MTUS1: variants seen among roughly 807,000 people sequenced by gnomAD.
The protein encoded by MTUS1 is microtubule associated scaffold protein 1.
A neutral mutation model predicts 120.8 loss-of-function variants in MTUS1; 109 were observed. That is an observed-to-expected ratio of 0.90 (90% CI 0.77 to 1.06). The LOEUF is 1.06. Ranked by LOEUF, MTUS1 falls within the 50% of genes least tolerant of loss-of-function variation. The probability of loss-of-function intolerance (pLI) is 0.00; values close to 1 mark genes in which losing one functional copy is unlikely to be tolerated. For synonymous variants in MTUS1, 737 were observed against 550.5 expected, an observed-to-expected ratio of 1.34 and a Z score of -4.74; for missense variants, 2,210 against 1,486.3, an observed-to-expected ratio of 1.49 and a Z score of -8.01.
chr8:17,733,110 G>A (rs1468214242), intron 3 of MTUS1, among the ~76,000 whole-genome samples: 1 of 152,166 alleles, frequency 6.6e-6, no homozygotes, highest in Admixed American at 6.5e-5. Flanking sequence ...CAGCACTTTG[G>A]AAGGCCGAGG....
intron 1 of MTUS1, among the ~76,000 whole-genome samples, chr8:17,757,949 T>C (rs892034558): frequency 1.2e-4 from 18 of 152,204 alleles, no homozygotes; most frequent in Admixed American, 7.9e-4. Flanking sequence ...GAGGGCTGTG[T>C]GATTTATATT....
At chr8:17,797,792 T>C (rs2052366053) in intron 1 of MTUS1, among the ~76,000 whole-genome samples, 1 of 152,130 alleles carries the variant, frequency 6.6e-6, no homozygotes, top group Non-Finnish European at 1.5e-5. Flanking sequence ...ACTCTTACGC[T>C]CTAAGCTTGG....
intron 3 of MTUS1, among the ~76,000 whole-genome samples, chr8:17,740,169 T>C (rs561371003): frequency 5.3e-5 from 8 of 151,596 alleles, no homozygotes; most frequent in East Asian, 1.9e-4. Context: ...GATTGCACCA[T>C]TGCACTCCAG....
rs116062526 is a variant in MTUS1, at chr8:17,783,646, G to A, written c.-155+17415C>T. Among the ~76,000 whole-genome samples, 956 of 152,268 alleles carry A rather than the reference G, an allele frequency of 6.3e-3. 12 individuals are homozygous for A. Among genetic ancestry groups the A allele is most frequent in the African/African-American group, 0.022 (923 of 41,564 alleles). On this transcript the variant is annotated intron_variant, in intron 1 of 14. Coordinates refer to ENST00000693296, the MANE Select transcript of MTUS1 (RefSeq NM_001363059.2). ...GTGGCTACTGTGTTCAACTCAGCCTGAGGCTCCATGAAGACGGTCCTTGAG... is the reference window on the plus strand; with the variant it reads ...GTGGCTACTGTGTTCAACTCAGCCTAAGGCTCCATGAAGACGGTCCTTGAG...
chr8:17,655,760 C>G, intron 9 of MTUS1, 103 bp downstream of exon 9: 1 of 965,998 alleles, frequency 1.0e-6, no homozygotes, highest in Non-Finnish European at 1.6e-6. Context: ...GCTTTTTATA[C>G]CTATTAGACT....
At chr8:17,681,569 C>T (rs1425906013) in intron 7 of MTUS1, 1 of 154,750 alleles carries the variant, frequency 6.5e-6, no homozygotes, top group East Asian at 1.9e-4. Context: ...GAATATCTGG[C>T]ACTTAGTAAA....
intron 6 of MTUS1, among the ~76,000 whole-genome samples, chr8:17,711,861 AT>A (rs1821361105): frequency 6.6e-6 from 1 of 152,190 alleles, no homozygotes; most frequent in African/African-American, 2.4e-5. Context: ...TACTTTCAAT[AT>A]TATTGTGTCT....
intron 10 of MTUS1, 89 bp downstream of exon 10, chr8:17,654,472 G>T: frequency 1.0e-6 from 1 of 961,938 alleles, no homozygotes; most frequent in Non-Finnish European, 1.6e-6. Context: ...ATTCGCTGAA[G>T]CAGGAAGTTA....
intron 8 of MTUS1, among the ~76,000 whole-genome samples, chr8:17,659,735 A>G (rs775219820): frequency 6.6e-6 from 1 of 152,188 alleles, no homozygotes; most frequent in African/African-American, 2.4e-5. Context: ...AGCAGATACC[A>G]AATTAACCAT....
intron 8 of MTUS1, among the ~76,000 whole-genome samples, chr8:17,657,671 A>AT (rs1481894331): frequency 6.7e-6 from 1 of 149,548 alleles, no homozygotes; most frequent in Non-Finnish European, 1.5e-5. Context: ...AAAAAAAAAA[A>AT]AAAAAATTAT....
intron 2 of MTUS1, among the ~76,000 whole-genome samples, chr8:17,749,227 A>G (rs1382713302): frequency 6.6e-6 from 1 of 152,102 alleles, no homozygotes; most frequent in Admixed American, 6.5e-5. Context: ...CAACATTTAC[A>G]ATCAACTCCC....
At chr8:17,695,105 T>C (rs423832) in intron 6 of MTUS1, among the ~76,000 whole-genome samples, 122,011 of 152,094 alleles carry the variant, frequency 0.8, 49,583 homozygotes, top group East Asian at 0.98. Context: ...AGAGTCACCA[T>C]GACGGCATGA....
At chr8:17,659,228 C>G (rs1809139017) in intron 8 of MTUS1, among the ~76,000 whole-genome samples, 1 of 152,136 alleles carries the variant, frequency 6.6e-6, no homozygotes, top group African/African-American at 2.4e-5. Context: ...TGTGCTGGGG[C>G]TGGCAAGGCG....
intron 6 of MTUS1, chr8:17,708,617 G>C (rs1046100180): frequency 5.3e-5 from 8 of 152,174 alleles, no homozygotes; most frequent in Non-Finnish European, 1.0e-4. Context: ...TTTAAACAAA[G>C]CCATTCCATA....
At chr8:17,722,244 GGATGTC>G in intron 4 of MTUS1, 2 of 995,016 alleles carry the variant, frequency 2.0e-6, no homozygotes, top group Non-Finnish European at 2.4e-6. Flanking sequence ...AAGTCAACAT[GGATGTC>G]GATGGAAAAC....
chr8:17,654,530 T>C, intron 10 of MTUS1, 31 bp downstream of exon 10: 1 of 1,344,440 alleles, frequency 7.4e-7, no homozygotes, highest in South Asian at 1.2e-5. Context: ...CAGATTTTAT[T>C]CTGTTTAAAG....
chr8:17,657,477 A>G (rs1418572616), intron 8 of MTUS1, among the ~76,000 whole-genome samples: 3 of 150,154 alleles, frequency 2.0e-5, no homozygotes, highest in Non-Finnish European at 1.5e-5. Flanking sequence ...CTGAGGCAGG[A>G]GAATGGCGTG....
intron 3 of MTUS1, 142 bp from the exon 4 acceptor site, chr8:17,723,975 G>A (rs2046024514): frequency 3.0e-6 from 2 of 663,206 alleles, no homozygotes; most frequent in Non-Finnish European, 5.1e-6. Flanking sequence ...AACTTCAGAT[G>A]AAAGATGAAA....
chr8:17,683,530 G>A (rs776796125), intron 7 of MTUS1, among the ~76,000 whole-genome samples: 7 of 152,082 alleles, frequency 4.6e-5, no homozygotes, highest in African/African-American at 9.6e-5. Context: ...GACCACAAGC[G>A]ATCCTCCCTC....
Sources: gnomAD v4.1 joint callset for allele counts (sites outside exome capture counted in the v4.1 genomes callset) on GRCh38, gnomAD v4.1.1 for gene constraint, MANE v1.5 for transcripts, NCBI Gene and HGNC (gene_info 2026-07-23, HGNC 2026-07-21) for gene names.